The following TNR variants were observed in gnomAD, a reference collection of about 807,000 sequenced individuals.
TNR encodes tenascin-R.
A neutral mutation model predicts 150.4 loss-of-function variants in TNR; 45 were observed. The observed-to-expected ratio is 0.30, with a 90% CI of 0.24 to 0.38. The LOEUF (loss-of-function observed/expected upper bound fraction) is 0.38, where lower values mean the gene tolerates loss of function less well. Among genes scored for constraint, TNR ranks in the 10% least tolerant of loss-of-function variants. The probability of loss-of-function intolerance (pLI) is 1.00; values close to 1 mark genes in which losing one functional copy is unlikely to be tolerated. For missense variants in TNR, 1,544 were observed against 1,759.1 expected (o/e 0.88, Z 2.19); for synonymous variants, 687 against 678.4 (o/e 1.01, Z -0.20).
rs1653977034 is a variant in TNR, at chr1:175,406,617, A to C, written c.98T>G (p.Leu33Arg). The change falls in exon 3 of 23, where the codon CTG becomes CGG. Residue 33 changes from leucine to arginine, a missense_variant. By Grantham distance (102) the Leu-to-Arg change is moderately radical. This residue lies in a region of TNR where 1,254 missense variants were observed against 1,329.4 expected (regional missense o/e 0.94). Coordinates refer to ENST00000367674, the MANE Select transcript of TNR (RefSeq NM_003285.3). ...GSMIKPSECQ[L>R]EVTTERVQRQ... ...CTGGACCCTTTCTGTGGTGACCTCC[A>C]GCTGACACTCTGAAGGCTTGATCAT... 3 of 1,614,062 alleles carry C rather than the reference A, an allele frequency of 1.9e-6. No individual in the cohort carries two copies. The highest frequency in any genetic ancestry group is 2.5e-6 in the Non-Finnish European group (3 of 1,180,044).
chr1:175,482,333 C>T (rs987350874), intron 2 of TNR, among the ~76,000 whole-genome samples: 8 of 152,256 alleles, frequency 5.3e-5, no homozygotes, highest in African/African-American at 1.9e-4. Context: ...CAGACTTTGC[C>T]TTTGTGGCCT....
At chr1:175,440,444 G>T (rs1161590010) in intron 2 of TNR, among the ~76,000 whole-genome samples, 3 of 151,696 alleles carry the variant, frequency 2.0e-5, no homozygotes, top group Non-Finnish European at 4.4e-5. Context: ...GTTAATGGGT[G>T]CAGCACACCA....
chr1:175,329,082 G>A (rs1375770195), intron 21 of TNR, among the ~76,000 whole-genome samples: 1 of 152,232 alleles, frequency 6.6e-6, no homozygotes, highest in African/African-American at 2.4e-5. Context: ...CATAATAAAG[G>A]AAAGCATGTC....
At chr1:175,341,811 G>A (rs936760409) in intron 18 of TNR, among the ~76,000 whole-genome samples, 1 of 152,174 alleles carries the variant, frequency 6.6e-6, no homozygotes, top group Admixed American at 6.5e-5. Context: ...AAGTGCAGGC[G>A]GCCACCTCTG....
At chr1:175,371,484 G>A (rs1652103824) in intron 9 of TNR, among the ~76,000 whole-genome samples, 1 of 152,148 alleles carries the variant, frequency 6.6e-6, no homozygotes, top group Admixed American at 6.5e-5. Flanking sequence ...GGGGTGAAAA[G>A]GAATCTGTGC....
At chr1:175,693,698 T>C (rs1371814419) in intron 1 of TNR, among the ~76,000 whole-genome samples, 1 of 152,230 alleles carries the variant, frequency 6.6e-6, no homozygotes, top group Non-Finnish European at 1.5e-5. Context: ...TGATTGAATC[T>C]CACGTCTACA....
At chr1:175,671,489 G>A (rs771038415) in intron 1 of TNR, among the ~76,000 whole-genome samples, 8 of 152,132 alleles carry the variant, frequency 5.3e-5, no homozygotes, top group Non-Finnish European at 8.8e-5. Context: ...ACCTTGCCAG[G>A]GCCCCTGAAT....
intron 1 of TNR, among the ~76,000 whole-genome samples, chr1:175,738,721 T>C (rs1667841901): frequency 6.6e-6 from 1 of 152,256 alleles, no homozygotes; most frequent in Admixed American, 6.5e-5. Flanking sequence ...GCTTGCTGTG[T>C]TCAAAATTTA....
intron 1 of TNR, among the ~76,000 whole-genome samples, chr1:175,598,518 G>A (rs146542781): frequency 6.6e-6 from 1 of 152,324 alleles, no homozygotes; most frequent in Non-Finnish European, 1.5e-5. Flanking sequence ...AGTTACCAAA[G>A]CCTTGGACGT....
At chr1:175,356,897 T>C (rs892924277) in intron 15 of TNR, among the ~76,000 whole-genome samples, 1 of 152,212 alleles carries the variant, frequency 6.6e-6, no homozygotes, top group East Asian at 1.9e-4. Flanking sequence ...AGTTTATCAA[T>C]GTCCCTGCTA....
chr1:175,601,495 A>T (rs1383957776), intron 1 of TNR, among the ~76,000 whole-genome samples: 2 of 152,244 alleles, frequency 1.3e-5, no homozygotes, highest in Non-Finnish European at 2.9e-5. Flanking sequence ...TAATATTAAA[A>T]TCTGTACAAT....
At position 175,535,888 on chromosome 1, in the gene TNR, G is replaced by T. The variant is rs182933137; in HGVS notation, c.-164-7519C>A. 4.4e-3 allele frequency among the ~76,000 whole-genome samples: 669 copies of T among 152,248 alleles called. 8 individuals carry two copies. The highest frequency in any genetic ancestry group is 5.7e-3 in the Non-Finnish European group (388 of 68,020). ...TTCATCAACCTCTAGCTAAAATTTA[G>T]CAGCTCCTCTAATTTTAAATGTAGG... On this transcript the variant is annotated intron_variant, in intron 1 of 22. Transcript: ENST00000367674.
At position 175,638,696 on chromosome 1, in the gene TNR, C is replaced by T. The variant is rs138881666; in HGVS notation, c.-165+104530G>A. Among the ~76,000 whole-genome samples the T allele has an allele frequency of 4.6e-5, 7 of 152,252 alleles. No individual in the cohort carries two copies. In the East Asian group the frequency reaches 1.4e-3, roughly 30 times the overall value. On this transcript the variant is annotated intron_variant, in intron 1 of 22. Transcript: ENST00000367674. ...GTTACCAAATCATCTTCCACAGGAT[C>T]CCTCCCATGATGATTGGATGACTCT...
chr1:175,647,281 T>G (rs183413012), intron 1 of TNR, among the ~76,000 whole-genome samples: 2 of 152,274 alleles, frequency 1.3e-5, no homozygotes, highest in Non-Finnish European at 2.9e-5. Flanking sequence ...GTTCACCACA[T>G]GCACAAAAAA....
At chr1:175,446,391 C>T (rs549779015) in intron 2 of TNR, among the ~76,000 whole-genome samples, 41 of 152,228 alleles carry the variant, frequency 2.7e-4, no homozygotes, top group Middle Eastern at 6.8e-3. Context: ...ATTATTTTTT[C>T]TTTATTTTAG....
chr1:175,374,480 A>G (rs1435737216), intron 9 of TNR, among the ~76,000 whole-genome samples: 2 of 152,034 alleles, frequency 1.3e-5, no homozygotes, highest in Admixed American at 6.6e-5. Context: ...GTATGTGTGT[A>G]TGTGCATGTG....
intron 2 of TNR, among the ~76,000 whole-genome samples, chr1:175,422,386 A>G (rs766158939): frequency 6.6e-6 from 1 of 152,162 alleles, no homozygotes; most frequent in Non-Finnish European, 1.5e-5. Flanking sequence ...TTCAATACAT[A>G]TACACACACG....
At chr1:175,649,434 T>C (rs1208938587) in intron 1 of TNR, among the ~76,000 whole-genome samples, 1 of 152,210 alleles carries the variant, frequency 6.6e-6, no homozygotes. Context: ...GAACTTATGA[T>C]ATCACTGTGC....
intron 1 of TNR, among the ~76,000 whole-genome samples, chr1:175,592,310 CCT>C (rs1662831829): frequency 2.0e-5 from 3 of 152,212 alleles, no homozygotes; most frequent in Non-Finnish European, 4.4e-5. Context: ...GGCCAGTGCA[CCT>C]CTCTACTCTG....
Sources: allele counts gnomAD v4.1 joint callset (sites outside exome capture counted in the v4.1 genomes callset), GRCh38; gene constraint gnomAD v4.1.1; regional missense constraint gnomAD v4.1.1; transcripts MANE v1.5; gene names NCBI Gene and HGNC (gene_info 2026-07-23, HGNC 2026-07-21).